The following UTRN variants were observed in gnomAD, a reference collection of about 807,000 sequenced individuals.
UTRN encodes the protein dystrophin-related protein 1.
Under a neutral mutation model 463.9 loss-of-function variants are expected in UTRN, and 283 were observed. That is an observed-to-expected ratio of 0.61 (90% CI 0.55 to 0.67). UTRN has a LOEUF of 0.67. Ranked by LOEUF, UTRN falls within the 30% of genes least tolerant of loss-of-function variation. The pLI is 0.00. For missense variants in UTRN, 3,922 were observed against 4,084.3 expected (o/e 0.96, Z 1.08); for synonymous variants, 1,442 against 1,431.5 (o/e 1.01, Z -0.17).
At chr6:144,457,232 A>C (rs932054687) in intron 19 of UTRN, among the ~76,000 whole-genome samples, 1 of 152,222 alleles carries the variant, frequency 6.6e-6, no homozygotes. Flanking sequence ...CAGATGTTTA[A>C]AATTGGTTTA....
chr6:144,393,642 G>A (rs1782139521), intron 2 of UTRN, among the ~76,000 whole-genome samples: 1 of 152,100 alleles, frequency 6.6e-6, no homozygotes, highest in Non-Finnish European at 1.5e-5. Context: ...TCAGAGAAGG[G>A]TGTTGAAAAA....
At chr6:144,399,193 A>G (rs1782716763) in intron 2 of UTRN, among the ~76,000 whole-genome samples, 2 of 152,024 alleles carry the variant, frequency 1.3e-5, no homozygotes, top group African/African-American at 4.8e-5. Flanking sequence ...TTTACAGATT[A>G]TTATATAATA....
chr6:144,371,239 T>C (rs568886536), intron 2 of UTRN, among the ~76,000 whole-genome samples: 1 of 152,340 alleles, frequency 6.6e-6, no homozygotes, highest in South Asian at 2.1e-4. Flanking sequence ...ATATTATTTA[T>C]ATTGTTTACA....
Position 144,580,004 on chromosome 6 carries a change from A to T in UTRN, c.7479+2716A>T, listed in dbSNP as rs12210566. Among the ~76,000 whole-genome samples the T allele has an allele frequency of 8.9e-3, 1,361 of 152,294 alleles. 7 individuals are homozygous for T. The highest frequency in any genetic ancestry group is 0.024 in the Middle Eastern group (7 of 294). ...TTATTTTCAGCACCTTATAGATAGA[A>T]GATTGTTAGAGATTTAGTACCTTTT... On this transcript the variant is annotated intron_variant, in intron 51 of 74. Transcript: ENST00000367545.
intron 2 of UTRN, among the ~76,000 whole-genome samples, chr6:144,389,432 A>G (rs1158010042): frequency 6.6e-6 from 1 of 152,114 alleles, no homozygotes; most frequent in Non-Finnish European, 1.5e-5. Context: ...GTATGCTGCT[A>G]ATCTCTCACA....
intron 44 of UTRN, among the ~76,000 whole-genome samples, chr6:144,538,817 G>T (rs1797762147): frequency 6.6e-6 from 1 of 152,132 alleles, no homozygotes; most frequent in Non-Finnish European, 1.5e-5. Context: ...GAATAATGAT[G>T]AAAAATATTT....
At chr6:144,807,841 C>G (rs573356917) in intron 65 of UTRN, among the ~76,000 whole-genome samples, 1 of 152,182 alleles carries the variant, frequency 6.6e-6, no homozygotes, top group African/African-American at 2.4e-5. Context: ...TTATACTTTT[C>G]TCCCTGTGTT....
chr6:144,551,743 A>G (rs547806504), intron 48 of UTRN, among the ~76,000 whole-genome samples: 6 of 152,210 alleles, frequency 3.9e-5, no homozygotes, highest in Non-Finnish European at 7.4e-5. Flanking sequence ...GATTGTCACA[A>G]TCTGCTGCCA....
At position 144,827,353 on chromosome 6, in the gene UTRN, T is replaced by C. The variant is rs1257446733; in HGVS notation, c.9500T>C (p.Ile3167Thr). 1.2e-6 allele frequency: 2 copies of C among 1,613,340 alleles called. No individual in the cohort carries two copies. Among genetic ancestry groups the C allele is most frequent in the Non-Finnish European group, 1.7e-6 (2 of 1,179,606 alleles). Reference sequence around the variant, plus strand: ...TCCCTCTCCCCTCTTTGCAGTCCTATCACACTCATCAGTATGTGGCCAGAG... The same window carrying C: ...TCCCTCTCCCCTCTTTGCAGTCCTACCACACTCATCAGTATGTGGCCAGAG... ...VLEGDNLETPITLISMWPEHY... is the reference protein window; with the variant it reads ...VLEGDNLETPTTLISMWPEHY... The change falls in exon 67 of 75, where the codon ATC (isoleucine) becomes ACC (threonine). Residue 3167 changes from isoleucine (I) to threonine (T), a missense_variant. By Grantham distance (89) the Ile-to-Thr change is moderately conservative. This residue lies in a region of UTRN where 1,309 missense variants were observed against 1,452.6 expected (regional missense o/e 0.90). Transcript: ENST00000367545.
intron 17 of UTRN, among the ~76,000 whole-genome samples, chr6:144,449,353 C>A (rs1474360649): frequency 1.3e-5 from 2 of 152,178 alleles, no homozygotes; most frequent in African/African-American, 4.8e-5. Context: ...CTCATTTCCA[C>A]TTCTCTTCCC....
chr6:144,761,913 T>A (rs1406104375), intron 58 of UTRN, among the ~76,000 whole-genome samples: 1 of 152,156 alleles, frequency 6.6e-6, no homozygotes, highest in Non-Finnish European at 1.5e-5. Context: ...AATTCACCAT[T>A]TCTCAGTTTG....
chr6:144,677,434 A>G (rs1781745038), intron 51 of UTRN, among the ~76,000 whole-genome samples: 1 of 152,144 alleles, frequency 6.6e-6, no homozygotes, highest in Admixed American at 6.5e-5. Context: ...GTCCCTGCAA[A>G]GGACATGAAC....
At chr6:144,560,478 G>A (rs368418261) in intron 50 of UTRN, among the ~76,000 whole-genome samples, 1 of 152,082 alleles carries the variant, frequency 6.6e-6, no homozygotes, top group Non-Finnish European at 1.5e-5. Flanking sequence ...TCTAATGGCT[G>A]CTGAGAGGCC....
intron 2 of UTRN, among the ~76,000 whole-genome samples, chr6:144,382,485 G>A (rs1781022817): frequency 6.6e-6 from 1 of 152,170 alleles, no homozygotes; most frequent in African/African-American, 2.4e-5. Context: ...CTACATCTGG[G>A]AATTTGTGCA....
At position 144,560,184 on chromosome 6, in the gene UTRN, C is replaced by T. The variant is rs80217970; in HGVS notation, c.7289+2873C>T. On this transcript the variant is annotated intron_variant, in intron 50 of 74. Transcript: ENST00000367545. ...AGAGAAGTTAAGGAATTACTCAAGA[C>T]TACACAGCTTATAATGGCAGAGTTG... 2.9e-4 allele frequency among the ~76,000 whole-genome samples: 44 copies of T among 152,274 alleles called. No individual in the cohort carries two copies. The East Asian group carries it at 7.7e-3, about 27-fold the overall frequency.
Position 144,775,935 on chromosome 6 carries a change from A to G in UTRN, c.8632+1571A>G, listed in dbSNP as rs780849543. ...GGGACGCTTCTCCAACTTCTAAACT[A>G]AACGAGATTGGTAATGACAATTAAA... is the stretch of plus-strand genomic sequence containing the variant. On this transcript the variant is annotated intron_variant, in intron 60 of 74. Coordinates refer to ENST00000367545, the MANE Select transcript of UTRN (RefSeq NM_007124.3). Among the ~76,000 whole-genome samples, 89 of 152,238 alleles carry G rather than the reference A, an allele frequency of 5.8e-4. 1 individual carries two copies. The highest frequency in any genetic ancestry group is 2.4e-4 in the Non-Finnish European group (16 of 68,040).
At chr6:144,629,009 A>C (rs1026275364) in intron 51 of UTRN, among the ~76,000 whole-genome samples, 1 of 152,182 alleles carries the variant, frequency 6.6e-6, no homozygotes, top group Non-Finnish European at 1.5e-5. Flanking sequence ...TACCCTGTGT[A>C]TGGAAAATTG....
At chr6:144,757,906 A>G (rs368898166) in intron 57 of UTRN, 23 bp from the exon 58 acceptor site, 177 of 1,599,680 alleles carry the variant, frequency 1.1e-4, no homozygotes, top group Non-Finnish European at 1.4e-4. Flanking sequence ...AACGTTTCCA[A>G]TAATCTCCCT....
At chr6:144,827,438 G>A (rs773669705) in intron 67 of UTRN, 52 bp downstream of exon 67, 1 of 1,610,640 alleles carries the variant, frequency 6.2e-7, no homozygotes, top group Non-Finnish European at 8.5e-7. Context: ...AGTGGTACTA[G>A]CATGGGGGTC....
Sources: allele counts gnomAD v4.1 joint callset (sites outside exome capture counted in the v4.1 genomes callset), GRCh38; gene constraint gnomAD v4.1.1; regional missense constraint gnomAD v4.1.1; transcripts MANE v1.5; gene names NCBI Gene and HGNC (gene_info 2026-07-23, HGNC 2026-07-21).